OSBP2: variants seen among roughly 807,000 people sequenced by gnomAD.
OSBP2 encodes the protein oxysterol binding protein 2.
OSBP2 carries 66 observed loss-of-function variants against 96.0 expected under a neutral mutation model. That is an observed-to-expected ratio of 0.69 (90% CI 0.56 to 0.84). The LOEUF (loss-of-function observed/expected upper bound fraction) is 0.84, where lower values mean the gene tolerates loss of function less well. Ranked by LOEUF, OSBP2 falls within the 40% of genes least tolerant of loss-of-function variation. The probability of loss-of-function intolerance (pLI) is 0.00; values close to 1 mark genes in which losing one functional copy is unlikely to be tolerated. For missense variants in OSBP2, 1,038 were observed against 1,222.7 expected (o/e 0.85, Z 2.25); for synonymous variants, 525 against 520.9 (o/e 1.01, Z -0.11).
intron 1 of OSBP2, among the ~76,000 whole-genome samples, chr22:30,701,594 C>G (rs1438243915): frequency 6.6e-6 from 1 of 152,070 alleles, no homozygotes; most frequent in Non-Finnish European, 1.5e-5. Context: ...CCGCCCGCCT[C>G]GGCCTCCCAA....
At chr22:30,738,594 C>T (rs2089889637) in intron 1 of OSBP2, among the ~76,000 whole-genome samples, 2 of 151,048 alleles carry the variant, frequency 1.3e-5, no homozygotes, top group African/African-American at 4.9e-5. Flanking sequence ...GAGTTTCGCT[C>T]TTGTTGCCCA....
intron 2 of OSBP2, among the ~76,000 whole-genome samples, chr22:30,749,447 G>T (rs1329529336): frequency 4.6e-5 from 7 of 152,282 alleles, no homozygotes; most frequent in South Asian, 2.1e-4. Context: ...CTTTATTCAA[G>T]ATGGAGTCAC....
rs2039454208 is a variant in OSBP2 at position 30,871,287 on chromosome 22, C to T, written c.1107+605C>T. Among the ~76,000 whole-genome samples, 1 of 152,112 alleles carries T rather than the reference C, an allele frequency of 6.6e-6. No individual in the cohort carries two copies. The highest frequency in any genetic ancestry group is 2.4e-5 in the African/African-American group (1 of 41,426). Reference sequence around the variant, plus strand: ...AGCCGCTCACCCTGGCTCTGGAAGCCACACGGCTAGGACTGGGAGCCAGGA... The same window carrying T: ...AGCCGCTCACCCTGGCTCTGGAAGCTACACGGCTAGGACTGGGAGCCAGGA... On this transcript the variant is annotated intron_variant, in intron 3 of 13. Transcript: ENST00000332585. The surrounding 1 kb of genome is among the most constrained non-coding windows in gnomAD (Gnocchi z 4.7).
At chr22:30,882,744 G>A (rs182222439) in intron 3 of OSBP2, among the ~76,000 whole-genome samples, 5 of 152,206 alleles carry the variant, frequency 3.3e-5, no homozygotes, top group Admixed American at 2.0e-4. Context: ...TTCTATGAGA[G>A]GCTATCAGCT....
At chr22:30,716,917 G>A (rs531613867) in intron 1 of OSBP2, among the ~76,000 whole-genome samples, 7 of 151,928 alleles carry the variant, frequency 4.6e-5, no homozygotes, top group South Asian at 2.1e-4. Flanking sequence ...TGTGTCCTTC[G>A]ATGGAGTCCC....
intron 2 of OSBP2, among the ~76,000 whole-genome samples, chr22:30,803,756 G>A (rs2090888323): frequency 6.6e-6 from 1 of 152,210 alleles, no homozygotes; most frequent in Non-Finnish European, 1.5e-5. Context: ...GCTGGACTCA[G>A]GCAGAGGAGC....
chr22:30,893,609 G>A lies in OSBP2; in HGVS notation c.2095-29G>A, dbSNP rs747478498. On this transcript the variant is annotated intron_variant, in intron 10 of 13. Coordinates refer to ENST00000332585, the MANE Select transcript of OSBP2 (RefSeq NM_030758.4). ...GGAGGGGGTGCATGGCCCGGGGGCT[G>A]GCCGCTGACCACTGCCCTCCTTCGC... 1.5e-5 allele frequency: 24 copies of A among 1,613,128 alleles called. No homozygotes were observed. The Admixed American group carries it at 2.8e-4, about 19-fold the overall frequency.
At chr22:30,751,925 C>T (rs1242462549) in intron 2 of OSBP2, among the ~76,000 whole-genome samples, 6 of 152,208 alleles carry the variant, frequency 3.9e-5, no homozygotes, top group Admixed American at 2.6e-4. Flanking sequence ...CAAAGACATG[C>T]TGCTTGTGGC....
intron 2 of OSBP2, among the ~76,000 whole-genome samples, chr22:30,742,048 G>A (rs1275778045): frequency 6.6e-6 from 1 of 151,818 alleles, no homozygotes; most frequent in African/African-American, 2.4e-5. Context: ...TCAAACTCCT[G>A]ACCTCACGTG....
intron 2 of OSBP2, among the ~76,000 whole-genome samples, chr22:30,853,279 C>G (rs1229671081): frequency 6.6e-6 from 1 of 152,138 alleles, no homozygotes; most frequent in Non-Finnish European, 1.5e-5. Context: ...CTTCATGTAC[C>G]TTTAAGCTCT....
chr22:30,770,954 G>A (rs555556079), intron 2 of OSBP2, among the ~76,000 whole-genome samples: 5 of 152,164 alleles, frequency 3.3e-5, no homozygotes, highest in Non-Finnish European at 2.9e-5. Flanking sequence ...GAGTCATCTC[G>A]GCTCATTGCA....
At chr22:30,754,469 CTGTT>C (rs1408213126) in intron 2 of OSBP2, among the ~76,000 whole-genome samples, 1 of 152,132 alleles carries the variant, frequency 6.6e-6, no homozygotes, top group Admixed American at 6.5e-5. Flanking sequence ...AAGGAGCTCA[CTGTT>C]TGGGGCTGAG....
chr22:30,783,302 CTTTTTTTTT>C (rs35470453), intron 2 of OSBP2, among the ~76,000 whole-genome samples: 2 of 34,708 alleles, frequency 5.8e-5, no homozygotes, highest in African/African-American at 2.8e-4. Flanking sequence ...ATTCAGAGAG[CTTTTTTTTT>C]TTTTTTTTTT....
At chr22:30,831,691 G>T (rs373480890) in intron 2 of OSBP2, among the ~76,000 whole-genome samples, 1 of 152,168 alleles carries the variant, frequency 6.6e-6, no homozygotes, top group African/African-American at 2.4e-5. Context: ...CACTGCCCCT[G>T]TTCTCTGGAG....
chr22:30,798,319 T>A (rs136278), intron 2 of OSBP2, among the ~76,000 whole-genome samples: 60,866 of 152,080 alleles, frequency 0.4, 12,913 homozygotes, highest in African/African-American at 0.54. Flanking sequence ...CTGTATTCTG[T>A]ATATTAATCC....
At chr22:30,699,317 T>G (rs1285121064) in intron 1 of OSBP2, among the ~76,000 whole-genome samples, 1 of 152,200 alleles carries the variant, frequency 6.6e-6, no homozygotes, top group Admixed American at 6.5e-5. Context: ...CAAGACTTAT[T>G]TTGACTATTG....
intron 2 of OSBP2, among the ~76,000 whole-genome samples, chr22:30,853,542 A>C (rs1217455941): frequency 6.6e-6 from 1 of 152,102 alleles, no homozygotes; most frequent in African/African-American, 2.4e-5. Context: ...TATTTAAAGG[A>C]GTTTTATTCT....
intron 12 of OSBP2, 82 bp from the exon 13 acceptor site, chr22:30,905,755 C>A (rs1007187845): frequency 6.4e-7 from 1 of 1,568,372 alleles, no homozygotes; most frequent in Admixed American, 1.9e-5. Context: ...GGAGGAGACA[C>A]CGCCAGGCAG....
At chr22:30,711,088 A>G (rs970268992) in intron 1 of OSBP2, among the ~76,000 whole-genome samples, 1 of 152,116 alleles carries the variant, frequency 6.6e-6, no homozygotes, top group African/African-American at 2.4e-5. Flanking sequence ...CATTTCTCCA[A>G]GGAGCCACAT....
Sources: gnomAD v4.1 joint callset for allele counts (sites outside exome capture counted in the v4.1 genomes callset) on GRCh38, gnomAD v4.1.1 for gene constraint, Gnocchi (gnomAD v3.1) non-coding constraint, MANE v1.5 for transcripts, NCBI Gene and HGNC (gene_info 2026-07-23, HGNC 2026-07-21) for gene names.